The following ZNF143 variants were observed in gnomAD, a reference collection of about 807,000 sequenced individuals.
ZNF143 encodes the protein zinc finger protein 143.
ZNF143 carries 49 observed loss-of-function variants against 74.1 expected under a neutral mutation model. The ratio of observed to expected loss-of-function variants is 0.66; its 90% confidence interval spans 0.53 to 0.84. ZNF143 has a LOEUF of 0.84. Among genes scored for constraint, ZNF143 ranks in the 40% least tolerant of loss-of-function variants. The probability of loss-of-function intolerance (pLI) is 0.00; values close to 1 mark genes in which losing one functional copy is unlikely to be tolerated. For synonymous variants in ZNF143, 304 were observed against 282.8 expected, an observed-to-expected ratio of 1.07 and a Z score of -0.75; for missense variants, 637 against 793.4, an observed-to-expected ratio of 0.80 and a Z score of 2.37.
chr11:9,471,922 T>G (rs921545500), intron 2 of ZNF143, among the ~76,000 whole-genome samples: 1 of 135,408 alleles, frequency 7.4e-6, no homozygotes, highest in Non-Finnish European at 1.6e-5. Context: ...TTCTTTTTCT[T>G]TTCTTTTCTT....
intron 1 of ZNF143, among the ~76,000 whole-genome samples, chr11:9,468,447 A>G (rs920013208): frequency 1.3e-5 from 2 of 152,150 alleles, no homozygotes; most frequent in Non-Finnish European, 2.9e-5. Context: ...AGTTTCATAT[A>G]TTCAGTTTTT....
chr11:9,502,376 G>A (rs1385634110), intron 11 of ZNF143, among the ~76,000 whole-genome samples: 2 of 149,140 alleles, frequency 1.3e-5, no homozygotes, highest in Non-Finnish European at 1.5e-5. Flanking sequence ...TTGGGAGGCC[G>A]AAGTGAGCGG....
At chr11:9,488,171 A>G (rs1589893490) in intron 7 of ZNF143, among the ~76,000 whole-genome samples, 1 of 152,176 alleles carries the variant, frequency 6.6e-6, no homozygotes, top group East Asian at 1.9e-4. Context: ...AATTGCTTCA[A>G]CTTGTGAGGC....
intron 6 of ZNF143, 81 bp downstream of exon 6, chr11:9,478,667 C>CA (rs1378338637): frequency 6.7e-6 from 10 of 1,503,178 alleles, no homozygotes; most frequent in Non-Finnish European, 9.0e-6. Flanking sequence ...CAAAAAAGTA[C>CA]ACCTCATCAA....
intron 14 of ZNF143, among the ~76,000 whole-genome samples, chr11:9,524,197 G>A (rs181492929): frequency 1.3e-5 from 2 of 152,256 alleles, no homozygotes; most frequent in East Asian, 3.9e-4. Flanking sequence ...GTTGCCCCAG[G>A]CTGCTCAAAC....
chr11:9,486,397 ATATATTATATATATAATATATAT>A (rs1847508766), intron 7 of ZNF143, among the ~76,000 whole-genome samples: 2 of 9,944 alleles, frequency 2.0e-4, no homozygotes, highest in Non-Finnish European at 2.2e-4. Flanking sequence ...AATATATATA[ATATATTATATATATAATATATAT>A]TATATATATT....
intron 7 of ZNF143, among the ~76,000 whole-genome samples, chr11:9,491,385 C>G (rs917484259): frequency 6.6e-6 from 1 of 151,664 alleles, no homozygotes; most frequent in Non-Finnish European, 1.5e-5. Context: ...ACCTGTAATC[C>G]CTGCACTTTG....
chr11:9,512,749 G>A (rs756841008), intron 13 of ZNF143, among the ~76,000 whole-genome samples, 153 bp downstream of exon 13: 2 of 152,196 alleles, frequency 1.3e-5, no homozygotes, highest in East Asian at 1.9e-4. Flanking sequence ...CAGAGACTAC[G>A]TGCAGAGAGA....
At chr11:9,486,497 C>G (rs1378900492) in intron 7 of ZNF143, among the ~76,000 whole-genome samples, 2 of 109,030 alleles carry the variant, frequency 1.8e-5, no homozygotes, top group African/African-American at 7.2e-5. Context: ...ATCAGGAATC[C>G]TGTCAGGGAC....
At position 9,516,320 on chromosome 11, in the gene ZNF143, C is replaced by T. The variant is rs778360689; in HGVS notation, c.1644C>T (p.His548=). 3 of 1,613,990 alleles carry T rather than the reference C, an allele frequency of 1.9e-6. No homozygotes were observed. The highest frequency in any genetic ancestry group is 2.5e-6 in the Non-Finnish European group (3 of 1,179,908). The change falls in exon 14 of 16, where the codon CAC becomes CAT. Residue 548 remains histidine, a synonymous_variant. Coordinates refer to ENST00000396602, the MANE Select transcript of ZNF143 (RefSeq NM_003442.6). ...CAGTCATCTCCTCAGCAGGAACGCA[C>T]TCTGTTGCTATGGTTACTGCTGAGG... ...HDAVISSAGT[H]SVAMVTAEGT...
At chr11:9,481,214 T>TC (rs1261299961) in intron 7 of ZNF143, among the ~76,000 whole-genome samples, 2 of 152,078 alleles carry the variant, frequency 1.3e-5, no homozygotes, top group Admixed American at 6.6e-5. Context: ...AAAGTGAGAC[T>TC]CCATCTCTAC....
At chr11:9,493,330 A>G (rs1847851314) in intron 7 of ZNF143, among the ~76,000 whole-genome samples, 1 of 152,128 alleles carries the variant, frequency 6.6e-6, no homozygotes, top group African/African-American at 2.4e-5. Flanking sequence ...TCGGCCTCAC[A>G]AAGTTCTGGG....
chr11:9,472,658 A>G lies in ZNF143; in HGVS notation c.113-19A>G. The G allele has an allele frequency of 6.2e-7, 1 of 1,603,024 alleles. No homozygotes were observed. The highest frequency in any genetic ancestry group is 1.7e-4 in the Middle Eastern group (1 of 6,028). ...CATATGCTAGCTGTCTAAAGAAAATATTGATTTTTTTGTAATAGATGGTGA... is the reference window on the plus strand; with the variant it reads ...CATATGCTAGCTGTCTAAAGAAAATGTTGATTTTTTTGTAATAGATGGTGA... On this transcript the variant is annotated intron_variant, in intron 2 of 15. Transcript: ENST00000396602.
intron 3 of ZNF143, among the ~76,000 whole-genome samples, chr11:9,473,226 T>C (rs1388801902): frequency 6.6e-6 from 1 of 151,704 alleles, no homozygotes; most frequent in Non-Finnish European, 1.5e-5. Flanking sequence ...CCGTTTTCTG[T>C]AATAAAAATA....
chr11:9,487,853 C>G (rs908529004), intron 7 of ZNF143, among the ~76,000 whole-genome samples: 4 of 152,068 alleles, frequency 2.6e-5, no homozygotes, highest in Admixed American at 2.0e-4. Context: ...GCTGCATAAC[C>G]CTGAAATACC....
chr11:9,525,480 G>A (rs756052362), intron 15 of ZNF143, 94 bp downstream of exon 15: 1 of 1,511,204 alleles, frequency 6.6e-7, no homozygotes. Context: ...CTTTACAGGA[G>A]GCAAGGTGTA....
intron 9 of ZNF143, 37 bp from the exon 10 acceptor site, chr11:9,497,638 A>G: frequency 6.6e-7 from 1 of 1,509,602 alleles, no homozygotes; most frequent in Non-Finnish European, 9.1e-7. Context: ...TTAGAGCAGT[A>G]TTGTGTAATT....
intron 15 of ZNF143, 123 bp from the exon 16 acceptor site, chr11:9,527,407 T>C (rs1849168163): frequency 1.2e-6 from 1 of 846,488 alleles, no homozygotes; most frequent in South Asian, 1.6e-5. Flanking sequence ...AGTAGTATTT[T>C]AACAATCCCA....
At chr11:9,522,916 C>A (rs1745127781) in intron 14 of ZNF143, among the ~76,000 whole-genome samples, 1 of 151,872 alleles carries the variant, frequency 6.6e-6, no homozygotes, top group Non-Finnish European at 1.5e-5. Context: ...CACCCGCCAC[C>A]ATGCCCAGCT....
Sources: allele counts gnomAD v4.1 joint callset (sites outside exome capture counted in the v4.1 genomes callset), GRCh38; gene constraint gnomAD v4.1.1; transcripts MANE v1.5; gene names NCBI Gene and HGNC (gene_info 2026-07-23, HGNC 2026-07-21).